CSMD2: variants seen among roughly 807,000 people sequenced by gnomAD.
The protein encoded by CSMD2 is CUB and Sushi multiple domains 2.
CSMD2 carries 130 observed loss-of-function variants against 398.5 expected under a neutral mutation model. The observed-to-expected ratio is 0.33, with a 90% confidence interval of 0.28 to 0.38. CSMD2 has a LOEUF of 0.38. Among genes scored for constraint, CSMD2 ranks in the 10% least tolerant of loss-of-function variants. CSMD2 has a pLI of 1.00. For missense variants in CSMD2, 3,829 were observed against 4,764.9 expected, an observed-to-expected ratio of 0.80 and a Z score of 5.78; for synonymous variants, 1,828 against 1,908.5, an observed-to-expected ratio of 0.96 and a Z score of 1.10.
intron 2 of CSMD2, among the ~76,000 whole-genome samples, chr1:34,048,843 G>A (rs994740082): frequency 2.0e-5 from 3 of 152,196 alleles, no homozygotes; most frequent in Non-Finnish European, 4.4e-5. Context: ...TGAAGTGGGA[G>A]AATATCAGGC....
At chr1:33,782,109 G>T (rs553023815) in intron 12 of CSMD2, among the ~76,000 whole-genome samples, 1 of 152,102 alleles carries the variant, frequency 6.6e-6, no homozygotes, top group African/African-American at 2.4e-5. Flanking sequence ...GGGATGAGTG[G>T]AAATGATGGA....
At chr1:33,575,584 A>G (rs1341217036) in intron 49 of CSMD2, among the ~76,000 whole-genome samples, 1 of 152,164 alleles carries the variant, frequency 6.6e-6, no homozygotes, top group Non-Finnish European at 1.5e-5. Flanking sequence ...AGACATGCAC[A>G]GTAGTATGGG....
chr1:33,998,229 T>C (rs531431574), intron 3 of CSMD2, among the ~76,000 whole-genome samples: 1 of 152,076 alleles, frequency 6.6e-6, no homozygotes, highest in Non-Finnish European at 1.5e-5. Flanking sequence ...TCAGGTCTCT[T>C]GCTCTGTGCT....
chr1:33,855,630 G>T (rs1203487258), intron 5 of CSMD2, among the ~76,000 whole-genome samples: 1 of 152,148 alleles, frequency 6.6e-6, no homozygotes, highest in Non-Finnish European at 1.5e-5. Context: ...AGCTGCTGAG[G>T]CTTTAGCTGG....
intron 3 of CSMD2, among the ~76,000 whole-genome samples, chr1:33,999,161 C>T (rs548955297): frequency 6.6e-6 from 1 of 152,246 alleles, no homozygotes; most frequent in East Asian, 1.9e-4. Flanking sequence ...AGAAAAGCTG[C>T]ATAGAAATCC....
chr1:33,787,037 G>A (rs1240350500), intron 12 of CSMD2, among the ~76,000 whole-genome samples: 1 of 152,212 alleles, frequency 6.6e-6, no homozygotes, highest in Non-Finnish European at 1.5e-5. Context: ...AGTCTAATAT[G>A]CTGGTGTCCT....
At chr1:33,720,701 AT>A (rs1413340653) in intron 19 of CSMD2, among the ~76,000 whole-genome samples, 3 of 151,950 alleles carry the variant, frequency 2.0e-5, no homozygotes, top group Non-Finnish European at 4.4e-5. Flanking sequence ...ATTTTATTTT[AT>A]TTCTTATTTT....
intron 3 of CSMD2, among the ~76,000 whole-genome samples, chr1:33,973,166 T>C (rs1471192843): frequency 6.6e-6 from 1 of 152,130 alleles, no homozygotes; most frequent in Non-Finnish European, 1.5e-5. Context: ...GCTAGGATCC[T>C]CCCCTGCCCA....
chr1:33,825,614 A>C, intron 7 of CSMD2, 83 bp downstream of exon 7: 1 of 1,212,510 alleles, frequency 8.2e-7, no homozygotes, highest in Non-Finnish European at 1.2e-6. Flanking sequence ...TTCCAGCATC[A>C]TCTGGCTTCC....
At chr1:34,060,881 C>A (rs988166395) in intron 2 of CSMD2, among the ~76,000 whole-genome samples, 4 of 152,070 alleles carry the variant, frequency 2.6e-5, no homozygotes, top group African/African-American at 9.7e-5. Flanking sequence ...CCCTGTTCCT[C>A]CCCTAGCCAT....
rs77981890 is a variant in CSMD2, at chr1:33,688,900, A to G, written c.4052+4030T>C. ...TAATAAAAAAGATAATAACTAAATA[A>G]GGACTCAAACACAAAGGGGCTTTTT... On this transcript the variant is annotated intron_variant, in intron 25 of 70. Transcript: ENST00000373381. Among the ~76,000 whole-genome samples, 540 of 152,306 alleles carry G rather than the reference A, an allele frequency of 3.5e-3. 1 individual carries two copies. The highest frequency in any genetic ancestry group is 5.1e-3 in the Non-Finnish European group (345 of 68,020).
intron 1 of CSMD2, among the ~76,000 whole-genome samples, chr1:34,122,007 T>C (rs1662239077): frequency 1.3e-5 from 2 of 151,844 alleles, no homozygotes; most frequent in East Asian, 1.9e-4. Context: ...TTTTTTTTTT[T>C]TTCTACCTCC....
intron 19 of CSMD2, among the ~76,000 whole-genome samples, chr1:33,722,663 T>G (rs141238500): frequency 6.6e-6 from 1 of 151,332 alleles, no homozygotes; most frequent in Non-Finnish European, 1.5e-5. Flanking sequence ...TTGCTAATCC[T>G]TAGTCGATCA....
At chr1:33,594,835 T>C (rs1477256884) in intron 44 of CSMD2, among the ~76,000 whole-genome samples, 2 of 152,234 alleles carry the variant, frequency 1.3e-5, no homozygotes, top group Non-Finnish European at 2.9e-5. Context: ...TATTTTTTAG[T>C]ATCTAGCTTC....
intron 44 of CSMD2, chr1:33,598,828 C>A (rs541216033): frequency 6.6e-6 from 1 of 152,294 alleles, no homozygotes; most frequent in African/African-American, 2.4e-5. Flanking sequence ...TGCGCCACCA[C>A]GCCCATCTAA....
chr1:33,854,567 C>A (rs954725258), intron 5 of CSMD2, among the ~76,000 whole-genome samples: 1 of 152,244 alleles, frequency 6.6e-6, no homozygotes, highest in African/African-American at 2.4e-5. Context: ...TGCCCCACTA[C>A]CTGCTTCACT....
chr1:33,739,047 C>G, intron 15 of CSMD2, 93 bp downstream of exon 15: 1 of 1,277,418 alleles, frequency 7.8e-7, no homozygotes. Flanking sequence ...AGGACCAACG[C>G]AGAAAGGAAC....
intron 27 of CSMD2, among the ~76,000 whole-genome samples, chr1:33,652,810 A>G (rs1643834355): frequency 6.6e-6 from 1 of 152,230 alleles, no homozygotes; most frequent in Non-Finnish European, 1.5e-5. Flanking sequence ...GCTGGATTGC[A>G]GTAGCGCGAT....
intron 43 of CSMD2, among the ~76,000 whole-genome samples, chr1:33,601,621 A>G (rs1231379518): frequency 6.6e-6 from 1 of 152,178 alleles, no homozygotes; most frequent in South Asian, 2.1e-4. Context: ...ACCACCAAAC[A>G]AAGGAATTTT....
Sources: allele counts gnomAD v4.1 joint callset (sites outside exome capture counted in the v4.1 genomes callset), GRCh38; gene constraint gnomAD v4.1.1; transcripts MANE v1.5; gene names NCBI Gene and HGNC (gene_info 2026-07-23, HGNC 2026-07-21).